The following STIM1 variants were observed in gnomAD, a reference collection of about 807,000 sequenced individuals.
STIM1 encodes the protein stromal interaction molecule 1.
STIM1 carries 25 observed loss-of-function variants against 74.7 expected under a neutral mutation model. The observed-to-expected ratio is 0.33, with a 90% CI of 0.24 to 0.47. The LOEUF is 0.47. Ranked by LOEUF, STIM1 falls within the 20% of genes least tolerant of loss-of-function variation. STIM1 has a pLI of 1.00. For missense variants in STIM1, 728 were observed against 920.8 expected, an observed-to-expected ratio of 0.79 and a Z score of 2.71; for synonymous variants, 328 against 348.8, an observed-to-expected ratio of 0.94 and a Z score of 0.66.
intron 1 of STIM1, among the ~76,000 whole-genome samples, chr11:3,895,602 T>TTCTCTC (rs369670575): frequency 1.1e-5 from 1 of 88,422 alleles, no homozygotes; most frequent in Non-Finnish European, 2.1e-5. Flanking sequence ...TGTTCTTTCT[T>TTCTCTC]TCTCTCTCTT....
At chr11:3,882,092 C>CTTTTTTTTTTTT (rs946580998) in intron 1 of STIM1, among the ~76,000 whole-genome samples, 1 of 92,310 alleles carries the variant, frequency 1.1e-5, no homozygotes, top group African/African-American at 4.4e-5. Flanking sequence ...CACTTCATTC[C>CTTTTTTTTTTTT]TTTTTTTTTT....
chr11:3,973,768 C>G (rs781331051), intron 2 of STIM1: 5 of 244,830 alleles, frequency 2.0e-5, no homozygotes, highest in Non-Finnish European at 2.4e-5. Context: ...GGCTGGAGTT[C>G]AGTGGTGTGC....
In STIM1 at chr11:3,976,387, G is replaced by C. The variant is rs538633674; in HGVS notation, c.270+8705G>C. The stretch of plus-strand genomic sequence containing the variant: ...GGTTATCAGGGGTTATTAGTGTAGG[G>C]GAGGTTTTGACTACAAGGGGAAAGC... On this transcript the variant is annotated intron_variant, in intron 2 of 12. Coordinates refer to ENST00000526596, the MANE Select transcript of STIM1 (RefSeq NM_001382567.1). Among the ~76,000 whole-genome samples, 3 of 152,284 alleles carry C rather than the reference G, an allele frequency of 2.0e-5. No individual in the cohort carries two copies. The South Asian group carries it at 6.2e-4, about 32-fold the overall frequency.
chr11:3,982,570 A>G (rs767114013), intron 2 of STIM1, among the ~76,000 whole-genome samples: 17 of 152,192 alleles, frequency 1.1e-4, no homozygotes, highest in Non-Finnish European at 1.3e-4. Flanking sequence ...CTTACAAGAA[A>G]TCTCTGAGAC....
chr11:4,091,293 A>G lies in STIM1; in HGVS notation c.1646A>G (p.His549Arg), dbSNP rs751432488. The change falls in exon 13 of 13, where the codon CAT (histidine) becomes CGT (arginine). Residue 549 changes from histidine (H) to arginine (R), a missense_variant. Coordinates refer to ENST00000526596, the MANE Select transcript of STIM1 (RefSeq NM_001382567.1). ...CCCATGTCTTGCAGGGATTTGACCC[A>G]TTCCGATTCGGAGTCCTCCCTCCAC... ...HGLGSQRDLTHSDSESSLHMS... is the reference protein window; with the variant it reads ...HGLGSQRDLTRSDSESSLHMS... 6.2e-7 allele frequency: 1 copy of G among 1,613,928 alleles called. No homozygotes were observed. The highest frequency in any genetic ancestry group is 8.5e-7 in the Non-Finnish European group (1 of 1,180,024).
chr11:4,041,604 ATTC>A (rs901724974), intron 3 of STIM1, among the ~76,000 whole-genome samples: 2 of 151,480 alleles, frequency 1.3e-5, no homozygotes, highest in Admixed American at 6.6e-5. Context: ...CAAAGTTCAC[ATTC>A]TTCTTTTTTT....
At chr11:3,978,273 T>C (rs1245734298) in intron 2 of STIM1, among the ~76,000 whole-genome samples, 1 of 151,230 alleles carries the variant, frequency 6.6e-6, no homozygotes, top group Non-Finnish European at 1.5e-5. Flanking sequence ...CTCAGCCTCC[T>C]GAGTAGCTGG....
intron 1 of STIM1, among the ~76,000 whole-genome samples, chr11:3,908,168 T>A: frequency 6.6e-6 from 1 of 152,254 alleles, no homozygotes. Flanking sequence ...ATATAGCATA[T>A]ACTTAGTAAA....
intron 1 of STIM1, among the ~76,000 whole-genome samples, chr11:3,945,616 G>C (rs1292461118): frequency 6.6e-6 from 1 of 151,826 alleles, no homozygotes; most frequent in Non-Finnish European, 1.5e-5. Context: ...ATAATGTTGT[G>C]TATTATTATA....
chr11:3,892,738 A>G (rs1380734792), intron 1 of STIM1: 4 of 1,613,090 alleles, frequency 2.5e-6, no homozygotes, highest in East Asian at 4.5e-5. Flanking sequence ...GAAAGCAGGA[A>G]CCCTTATAAC....
intron 3 of STIM1, among the ~76,000 whole-genome samples, chr11:4,042,509 T>G (rs1178439402): frequency 2.0e-5 from 3 of 152,358 alleles, no homozygotes; most frequent in African/African-American, 7.2e-5. Context: ...GTATCTTTAC[T>G]CCTAGAGTGG....
chr11:4,060,185 A>G (rs990852709), intron 5 of STIM1, among the ~76,000 whole-genome samples: 2 of 152,218 alleles, frequency 1.3e-5, no homozygotes, highest in African/African-American at 4.8e-5. Flanking sequence ...AGGAACGGCC[A>G]GCCTGTAATC....
intron 1 of STIM1, among the ~76,000 whole-genome samples, chr11:3,875,184 T>A (rs940635478): frequency 3.3e-5 from 5 of 152,286 alleles, no homozygotes; most frequent in Admixed American, 3.3e-4. Context: ...GCAAAGAGCA[T>A]GCCAAGATAC....
chr11:3,932,091 G>A (rs966637975), intron 1 of STIM1, among the ~76,000 whole-genome samples: 1 of 152,170 alleles, frequency 6.6e-6, no homozygotes, highest in Non-Finnish European at 1.5e-5. Flanking sequence ...TGTATGTAAG[G>A]CAGATACCTT....
intron 3 of STIM1, among the ~76,000 whole-genome samples, chr11:4,047,270 A>G (rs1291112224): frequency 3.9e-5 from 6 of 152,176 alleles, no homozygotes; most frequent in Non-Finnish European, 8.8e-5. Flanking sequence ...GCCAGAGGCC[A>G]GGAGTTCTAG....
chr11:4,019,580 C>A (rs568665746), intron 2 of STIM1, among the ~76,000 whole-genome samples: 20 of 152,082 alleles, frequency 1.3e-4, no homozygotes, highest in Non-Finnish European at 2.6e-4. Flanking sequence ...GAAGCTGAGG[C>A]AGGAGGATCA....
intron 12 of STIM1, chr11:4,088,891 T>C (rs1450336188): frequency 2.6e-6 from 2 of 777,372 alleles, no homozygotes; most frequent in African/African-American, 1.7e-5. Context: ...CAGGTTCTTA[T>C]CTTGCTTTGG....
intron 2 of STIM1, among the ~76,000 whole-genome samples, chr11:4,010,673 C>G (rs553305568): frequency 3.2e-4 from 48 of 152,168 alleles, no homozygotes; most frequent in African/African-American, 1.1e-3. Flanking sequence ...AAAAGTCACA[C>G]AGCAAGTAAG....
chr11:4,057,320 G>A (rs1472322173), intron 4 of STIM1, among the ~76,000 whole-genome samples: 1 of 152,182 alleles, frequency 6.6e-6, no homozygotes, highest in Non-Finnish European at 1.5e-5. Flanking sequence ...TTTGTGGCTA[G>A]AATTACAGCC....
Sources: gnomAD v4.1 joint callset for allele counts (sites outside exome capture counted in the v4.1 genomes callset) on GRCh38, gnomAD v4.1.1 for gene constraint, MANE v1.5 for transcripts, NCBI Gene and HGNC (gene_info 2026-07-23, HGNC 2026-07-21) for gene names.